Variants in RAD51C observed in about 807,000 individuals in gnomAD.
RAD51C encodes the protein DNA repair protein RAD51 homolog 3.
RAD51C carries 42 observed loss-of-function variants against 45.0 expected under a neutral mutation model. The observed-to-expected ratio is 0.93, with a 90% CI of 0.73 to 1.21. The LOEUF is 1.21. Ranked by LOEUF, RAD51C falls within the 50% of genes most tolerant of loss-of-function variation. The pLI, the probability that RAD51C is intolerant of heterozygous loss-of-function variation, is 0.00. For synonymous variants in RAD51C, 172 were observed against 159.8 expected (o/e 1.08, Z -0.58); for missense variants, 474 against 452.2 (o/e 1.05, Z -0.44).
intron 5 of RAD51C, among the ~76,000 whole-genome samples, chr17:58,713,093 T>C (rs1212331249): frequency 6.6e-6 from 1 of 152,114 alleles, no homozygotes; most frequent in Non-Finnish European, 1.5e-5. Flanking sequence ...ACCACTGCAC[T>C]CCAGCCTAGG....
At chr17:58,700,219 A>G (rs1465426405) in intron 3 of RAD51C, 4 of 152,166 alleles carry the variant, frequency 2.6e-5, no homozygotes, top group South Asian at 2.1e-4. Context: ...TACATGCACT[A>G]TGCACAATTA....
intron 3 of RAD51C, among the ~76,000 whole-genome samples, chr17:58,701,864 C>T (rs537987577): frequency 2.0e-5 from 3 of 152,048 alleles, no homozygotes; most frequent in African/African-American, 2.4e-5. Flanking sequence ...CGCCCAGCCT[C>T]AAACTGTTTG....
chr17:58,702,154 C>T (rs946581608), intron 3 of RAD51C, among the ~76,000 whole-genome samples: 4 of 151,868 alleles, frequency 2.6e-5, no homozygotes, highest in African/African-American at 9.7e-5. Context: ...CACCATCACA[C>T]CTGACTAATT....
At chr17:58,693,323 C>A in intron 1 of RAD51C, 2 of 166,464 alleles carry the variant, frequency 1.2e-5, no homozygotes, top group South Asian at 2.6e-4. Flanking sequence ...ACGTAATTAA[C>A]TGAAACACCC....
At position 58,695,019 on chromosome 17, in the gene RAD51C, A is replaced by G. The variant is rs730881929; in HGVS notation, c.234A>G (p.Thr78=). The change falls in exon 2 of 9, where the codon ACA becomes ACG. Residue 78 remains threonine, a synonymous_variant. Transcript: ENST00000337432. ...CAAATAAACCAAGATATGCTGGTAC[A>G]TCTGAGTCACACAAGAAGTGTACAG... is the stretch of plus-strand genomic sequence containing the variant. ...CLTNKPRYAG[T]SESHKKCTAL... 5.0e-6 allele frequency: 8 copies of G among 1,614,136 alleles called. No individual in the cohort carries two copies. The East Asian group carries it at 8.9e-5, about 18-fold the overall frequency.
intron 5 of RAD51C, among the ~76,000 whole-genome samples, chr17:58,711,443 T>C (rs2048553724): frequency 6.6e-6 from 1 of 152,134 alleles, no homozygotes; most frequent in Admixed American, 6.6e-5. Flanking sequence ...AAGAGAAAGA[T>C]CTGAAAGGAC....
At chr17:58,708,784 G>A (rs1854409146) in intron 4 of RAD51C, among the ~76,000 whole-genome samples, 1 of 152,024 alleles carries the variant, frequency 6.6e-6, no homozygotes, top group Non-Finnish European at 1.5e-5. Context: ...TGGCCAGGCT[G>A]GTCTCAAACT....
At chr17:58,712,501 T>C (rs1479237502) in intron 5 of RAD51C, among the ~76,000 whole-genome samples, 1 of 152,142 alleles carries the variant, frequency 6.6e-6, no homozygotes, top group Non-Finnish European at 1.5e-5. Context: ...GCAGACTTCA[T>C]GCATATACAA....
intron 3 of RAD51C, among the ~76,000 whole-genome samples, chr17:58,701,820 C>G (rs2048221383): frequency 6.6e-6 from 1 of 151,772 alleles, no homozygotes; most frequent in Admixed American, 6.6e-5. Flanking sequence ...CACCCAGCTT[C>G]CCAAAGTGCT....
chr17:58,693,492 C>G (rs939840303), intron 1 of RAD51C: 1 of 152,356 alleles, frequency 6.6e-6, no homozygotes, highest in Non-Finnish European at 1.5e-5. Flanking sequence ...TAAGTTACTG[C>G]CCTTACTGAT....
chr17:58,714,011 G>A (rs1337857347), intron 5 of RAD51C, among the ~76,000 whole-genome samples: 1 of 150,386 alleles, frequency 6.6e-6, no homozygotes, highest in African/African-American at 2.4e-5. Flanking sequence ...TTTAGATAGA[G>A]TCTTCCTCTC....
chr17:58,700,215 C>G (rs1275860994), intron 3 of RAD51C: 3 of 152,132 alleles, frequency 2.0e-5, no homozygotes, highest in African/African-American at 4.8e-5. Context: ...TTGTTACATG[C>G]ACTATGCACA....
intron 6 of RAD51C, among the ~76,000 whole-genome samples, chr17:58,722,343 G>A (rs2048945450): frequency 6.6e-6 from 1 of 152,096 alleles, no homozygotes; most frequent in Non-Finnish European, 1.5e-5. Context: ...TCAATAGAAT[G>A]GTCAGTTATG....
At chr17:58,708,025 T>C (rs908893264) in intron 4 of RAD51C, among the ~76,000 whole-genome samples, 1 of 152,136 alleles carries the variant, frequency 6.6e-6, no homozygotes, top group East Asian at 1.9e-4. Context: ...CCAAATACAG[T>C]CACACTGGGA....
At chr17:58,732,696 A>C (rs1316956289) in intron 8 of RAD51C, 152 bp downstream of exon 8, 26 of 719,674 alleles carry the variant, frequency 3.6e-5, no homozygotes, top group Non-Finnish European at 1.7e-5. Flanking sequence ...CCAAAATAGT[A>C]GTATATACAG....
chr17:58,696,300 G>A (rs2048004302), intron 2 of RAD51C, among the ~76,000 whole-genome samples: 1 of 152,190 alleles, frequency 6.6e-6, no homozygotes, highest in South Asian at 2.1e-4. Context: ...GGGCGTGGTG[G>A]CGGGTGCTTG....
rs1484551212 is a variant in RAD51C, at chr17:58,695,094, C to G, written c.309C>G (p.Phe103Leu). The G allele has an allele frequency of 6.2e-7, 1 of 1,614,124 alleles. No individual in the cohort carries two copies. Among genetic ancestry groups the G allele is most frequent in the South Asian group, 1.1e-5 (1 of 91,080 alleles). Residue 103 changes from phenylalanine to leucine, a missense_variant, in exon 2 of 9, where the codon TTC becomes TTG. Transcript: ENST00000337432. ...QEHTQGFIITFCSALDDILGG... is the reference protein window; with the variant it reads ...QEHTQGFIITLCSALDDILGG... ...ATACCCAGGGCTTCATAATCACCTTCTGTTCAGCACTAGATGATATTCTTG... is the reference window on the plus strand; with the variant it reads ...ATACCCAGGGCTTCATAATCACCTTGTGTTCAGCACTAGATGATATTCTTG...
chr17:58,697,559 CAAAA>C (rs547599226), intron 3 of RAD51C, among the ~76,000 whole-genome samples: 1 of 136,010 alleles, frequency 7.4e-6, no homozygotes, highest in Admixed American at 7.6e-5. Flanking sequence ...AAAAAAAAAC[CAAAA>C]AAAAAAACCA....
chr17:58,705,329 G>A (rs1404505195), intron 4 of RAD51C, among the ~76,000 whole-genome samples: 1 of 146,196 alleles, frequency 6.8e-6, no homozygotes, highest in Non-Finnish European at 1.5e-5. Flanking sequence ...ATTCCCTGGT[G>A]TTTTTTCTTT....
Sources: allele counts gnomAD v4.1 joint callset (sites outside exome capture counted in the v4.1 genomes callset), GRCh38; gene constraint gnomAD v4.1.1; transcripts MANE v1.5; gene names NCBI Gene and HGNC (gene_info 2026-07-23, HGNC 2026-07-21).